RHBDL3: variants seen among roughly 807,000 people sequenced by gnomAD.
RHBDL3 encodes rhomboid like 3, also known as rhomboid-related protein 3.
Under a neutral mutation model 48.2 loss-of-function variants are expected in RHBDL3, and 28 were observed. The observed-to-expected ratio is 0.58, with a 90% CI of 0.43 to 0.80. The LOEUF is 0.80. Among genes scored for constraint, RHBDL3 ranks in the 30% least tolerant of loss-of-function variants. The pLI, the probability that RHBDL3 is intolerant of heterozygous loss-of-function variation, is 0.00. For synonymous variants in RHBDL3, 208 were observed against 232.3 expected (o/e 0.90, Z 0.95); for missense variants, 464 against 542.7 (o/e 0.85, Z 1.44).
intron 7 of RHBDL3, among the ~76,000 whole-genome samples, chr17:32,312,046 C>A (rs1022129759): frequency 2.0e-5 from 3 of 152,168 alleles, no homozygotes; most frequent in Non-Finnish European, 2.9e-5. Context: ...AGGCTGGAGA[C>A]CTCAGATAAA....
At chr17:32,285,785 G>A (rs1244490873) in intron 3 of RHBDL3, among the ~76,000 whole-genome samples, 1 of 152,202 alleles carries the variant, frequency 6.6e-6, no homozygotes, top group African/African-American at 2.4e-5. Flanking sequence ...TGACTTGTGT[G>A]AAGCGCCCCA....
chr17:32,298,749 C>T (rs761859755), intron 6 of RHBDL3, among the ~76,000 whole-genome samples: 7 of 152,126 alleles, frequency 4.6e-5, no homozygotes, highest in Non-Finnish European at 1.0e-4. Context: ...AACCGCAGTC[C>T]CCTTGCCTGA....
intron 5 of RHBDL3, 77 bp downstream of exon 5, chr17:32,294,519 AT>A: frequency 7.3e-7 from 1 of 1,365,206 alleles, no homozygotes; most frequent in African/African-American, 1.5e-5. Context: ...GGATTGAAAT[AT>A]AGTTTTTAGT....
intron 2 of RHBDL3, among the ~76,000 whole-genome samples, chr17:32,269,660 G>C (rs548249814): frequency 6.6e-6 from 1 of 152,342 alleles, no homozygotes; most frequent in East Asian, 1.9e-4. Context: ...GAGGGAGCCC[G>C]CTGCGCCACT....
In RHBDL3 at chr17:32,265,932, G is replaced by GGGCGGA. The variant is rs991000940; in HGVS notation, c.-248_-243dup. 1.4e-5 allele frequency among the ~76,000 whole-genome samples: 2 copies of GGGCGGA among 146,936 alleles called. No individual in the cohort carries two copies. Among genetic ancestry groups the GGGCGGA allele is most frequent in the Non-Finnish European group, 3.0e-5 (2 of 65,940 alleles). On this transcript the variant is annotated 5_prime_UTR_variant, in exon 1 of 9. Coordinates refer to ENST00000269051, the MANE Select transcript of RHBDL3 (RefSeq NM_138328.3). ...GCCTCGGAGCCGGGCGCGAGGGCCGGGGCGGAGGCGGAGGCCGGCGGGGCA... is the reference window on the plus strand; with the variant it reads ...GCCTCGGAGCCGGGCGCGAGGGCCGGGGCGGAGGCGGAGGCGGAGGCCGGCGGGGCA...
rs753679715 is a variant in RHBDL3 at position 32,298,217 on chromosome 17, GC to G, written c.781+17del. 1.3e-5 allele frequency: 20 copies of G among 1,583,428 alleles called. No individual in the cohort carries two copies. In the Middle Eastern group the frequency reaches 1.7e-3, roughly 132 times the overall value. Reference sequence around the variant, plus strand: ...GGTGTTGTGGCAGGTAGGCAGGTAGGCCCCGTGTCCACAAAGGCACACTGCC... The same window carrying G: ...GGTGTTGTGGCAGGTAGGCAGGTAGGCCCGTGTCCACAAAGGCACACTGCC... On this transcript the variant is annotated intron_variant, in intron 6 of 8. Transcript: ENST00000269051.
At chr17:32,283,023 T>G (rs1282170310) in intron 2 of RHBDL3, among the ~76,000 whole-genome samples, 7 of 152,192 alleles carry the variant, frequency 4.6e-5, no homozygotes, top group Admixed American at 4.6e-4. Flanking sequence ...TAAAATAGCC[T>G]TCATTGACCA....
At chr17:32,270,396 C>T (rs747928456) in intron 2 of RHBDL3, among the ~76,000 whole-genome samples, 2 of 151,796 alleles carry the variant, frequency 1.3e-5, no homozygotes, top group Non-Finnish European at 2.9e-5. Flanking sequence ...TGGATTAGAC[C>T]AGTCCCTCCA....
At chr17:32,302,031 A>G (rs1358058148) in intron 6 of RHBDL3, among the ~76,000 whole-genome samples, 1 of 152,250 alleles carries the variant, frequency 6.6e-6, no homozygotes, top group Non-Finnish European at 1.5e-5. Context: ...TTTGGGGTGC[A>G]GGATACAGAA....
At chr17:32,295,923 A>G (rs995128555) in intron 5 of RHBDL3, among the ~76,000 whole-genome samples, 4 of 152,200 alleles carry the variant, frequency 2.6e-5, no homozygotes, top group African/African-American at 7.2e-5. Context: ...AGGTGTTCAC[A>G]GGGTCAGAAA....
chr17:32,274,261 C>T (rs1445540293), intron 2 of RHBDL3, among the ~76,000 whole-genome samples: 1 of 152,168 alleles, frequency 6.6e-6, no homozygotes, highest in African/African-American at 2.4e-5. Flanking sequence ...GGCTAGCACT[C>T]CTCTGTCTGG....
intron 5 of RHBDL3, among the ~76,000 whole-genome samples, chr17:32,295,411 T>C (rs1425655993): frequency 6.6e-6 from 1 of 152,222 alleles, no homozygotes; most frequent in Non-Finnish European, 1.5e-5. Flanking sequence ...AGAGGACCAT[T>C]GGTACATGCT....
chr17:32,278,607 G>A (rs530129524), intron 2 of RHBDL3, among the ~76,000 whole-genome samples: 7 of 152,294 alleles, frequency 4.6e-5, no homozygotes, highest in Non-Finnish European at 1.0e-4. Context: ...TCTAGTGATG[G>A]GAGAGAGTGC....
chr17:32,321,904 G>C lies in RHBDL3; in HGVS notation c.*675G>C, dbSNP rs574281019. Reference sequence around the variant, plus strand: ...TACCCAGTGAGAGGGACCCATGCAGGGGGAATAAACTTCATTCCAAGTTCC... The same window carrying C: ...TACCCAGTGAGAGGGACCCATGCAGCGGGAATAAACTTCATTCCAAGTTCC... On this transcript the variant is annotated 3_prime_UTR_variant, in exon 9 of 9. Transcript: ENST00000269051. 1.3e-5 allele frequency: 2 copies of C among 155,600 alleles called. No individual in the cohort carries two copies. The highest frequency in any genetic ancestry group is 4.0e-4 in the South Asian group (2 of 5,050). 9.6% of individuals were successfully genotyped at this position (155,600 alleles called of 1,614,324 possible).
chr17:32,291,003 G>GAA (rs35673676), intron 4 of RHBDL3, among the ~76,000 whole-genome samples: 1,701 of 102,870 alleles, frequency 0.017, 54 homozygotes, highest in African/African-American at 0.05. Context: ...CCTGTCTCAA[G>GAA]AAAAAAAAAA....
chr17:32,302,515 T>C (rs979446277), intron 6 of RHBDL3, among the ~76,000 whole-genome samples: 3 of 148,952 alleles, frequency 2.0e-5, no homozygotes, highest in Non-Finnish European at 4.4e-5. Context: ...TGCGCCACCA[T>C]GTCCAGCTAA....
intron 3 of RHBDL3, among the ~76,000 whole-genome samples, chr17:32,285,621 T>G (rs2040180901): frequency 6.6e-6 from 1 of 152,010 alleles, no homozygotes; most frequent in African/African-American, 2.4e-5. Flanking sequence ...CAGGCAGTAT[T>G]TCACCCACCA....
intron 6 of RHBDL3, among the ~76,000 whole-genome samples, chr17:32,302,502 G>A (rs1033652563): frequency 3.3e-5 from 5 of 151,286 alleles, no homozygotes; most frequent in African/African-American, 1.2e-4. Context: ...GGGGCTATAT[G>A]CATGCGCCAC....
At chr17:32,297,016 A>G (rs2040466975) in intron 5 of RHBDL3, among the ~76,000 whole-genome samples, 1 of 151,354 alleles carries the variant, frequency 6.6e-6, no homozygotes, top group South Asian at 2.1e-4. Context: ...CACCATGCCT[A>G]ATTTTCATAT....
Sources: gnomAD v4.1 joint callset for allele counts (sites outside exome capture counted in the v4.1 genomes callset) on GRCh38, gnomAD v4.1.1 for gene constraint, MANE v1.5 for transcripts, NCBI Gene and HGNC (gene_info 2026-07-23, HGNC 2026-07-21) for gene names.